The following DEFA5 variants were observed in gnomAD, a reference collection of about 807,000 sequenced individuals.
DEFA5 encodes HD5(20-94).
Under a neutral mutation model 8.7 loss-of-function variants are expected in DEFA5, and 11 were observed. The ratio of observed to expected loss-of-function variants is 1.26; its 90% CI spans 0.80 to 2.09. The LOEUF (loss-of-function observed/expected upper bound fraction) is 2.09. DEFA5 is among the 30% of genes most tolerant of loss of function. The pLI, the probability that DEFA5 is intolerant of heterozygous loss-of-function variation, is 0.00. For missense variants in DEFA5, 181 were observed against 117.2 expected (o/e 1.54, Z -2.52); for synonymous variants, 52 against 43.9 (o/e 1.18, Z -0.73).
At chr8:7,055,602 G>T in intron 1 of DEFA5, 59 bp from the exon 2 acceptor site, 1 of 1,137,050 alleles carries the variant, frequency 8.8e-7, no homozygotes, top group Non-Finnish European at 1.3e-6. Flanking sequence ...GACAAGCACA[G>T]CCAGACTAAC....
chr8:7,056,014 CTTTTTTTTTTTT>C (rs56220551), intron 1 of DEFA5, among the ~76,000 whole-genome samples: 2 of 112,946 alleles, frequency 1.8e-5, no homozygotes, highest in African/African-American at 7.0e-5. Context: ...TCTGTCTCTC[CTTTTTTTTTTTT>C]TTTTTTTTTT....
At chr8:7,055,567 G>A (rs781676476) in intron 1 of DEFA5, 24 bp from the exon 2 acceptor site, 3 of 1,535,000 alleles carry the variant, frequency 2.0e-6, no homozygotes, top group Middle Eastern at 1.7e-4. Context: ...AGAGGGTCAG[G>A]CACAGCGAGG....
In DEFA5 at chr8:7,055,368, T is replaced by TGTTTTTC. The variant is rs1812377434; in HGVS notation, c.*56_*62dup. On this transcript the variant is annotated 3_prime_UTR_variant, in exon 2 of 2. Transcript: ENST00000330590. ...AAGACACAAGGTACACAGAGTAAAATGTTTTTCTTTTTTCAGGACCTTGAA... is the reference window on the plus strand; with the variant it reads ...AAGACACAAGGTACACAGAGTAAAATGTTTTTCGTTTTTCTTTTTTCAGGACCTTGAA... 4.0e-6 allele frequency: 5 copies of TGTTTTTC among 1,235,812 alleles called. No homozygotes were observed. The South Asian group carries it at 6.3e-5, about 16-fold the overall frequency. 76.6% of individuals were successfully genotyped at this position (1,235,812 alleles called of 1,614,324 possible).
intron 1 of DEFA5, among the ~76,000 whole-genome samples, chr8:7,056,273 G>A (rs1159940327): frequency 6.6e-6 from 1 of 152,122 alleles, no homozygotes; most frequent in Admixed American, 6.5e-5. Flanking sequence ...CAAAGAACTA[G>A]TCAGTGTAGC....
chr8:7,055,643 A>G, intron 1 of DEFA5, 100 bp from the exon 2 acceptor site: 1 of 767,444 alleles, frequency 1.3e-6, no homozygotes, highest in East Asian at 2.7e-5. Context: ...ACACTGTATC[A>G]GTCATGTTAG....
At chr8:7,056,147 A>G (rs1257369156) in intron 1 of DEFA5, among the ~76,000 whole-genome samples, 1 of 151,832 alleles carries the variant, frequency 6.6e-6, no homozygotes, top group Admixed American at 6.6e-5. Context: ...AGATTTAATC[A>G]AGCCTATTAG....
rs558717333 is a variant in DEFA5 at position 7,055,717 on chromosome 8, T to G, written c.173-174A>C. 3.0e-4 allele frequency among the ~76,000 whole-genome samples: 45 copies of G among 152,368 alleles called. No individual in the cohort carries two copies. The South Asian group carries it at 7.0e-3, about 24-fold the overall frequency. On this transcript the variant is annotated intron_variant, in intron 1 of 1. Transcript: ENST00000330590. The stretch of plus-strand genomic sequence containing the variant: ...AATCTTACTAGCTATGTGTTAGTCA[T>G]GCAAGATCATAGTTTTTTTCCCCAT...
In DEFA5 at chr8:7,055,333, G is replaced by T. The variant is rs115418153; in HGVS notation, c.*98C>A. On this transcript the variant is annotated 3_prime_UTR_variant, in exon 2 of 2. Coordinates refer to ENST00000330590, the MANE Select transcript of DEFA5 (RefSeq NM_021010.3). ...ATGCTTGAACTTTATTTTGGAGAGA[G>T]AAATTTAGAAAGACACAAGGTACAC... 2 of 873,410 alleles carry T rather than the reference G, an allele frequency of 2.3e-6. No homozygotes were observed. The highest frequency in any genetic ancestry group is 3.6e-6 in the Non-Finnish European group (2 of 553,992). 54.1% of individuals were successfully genotyped at this position (873,410 alleles called of 1,614,324 possible).
chr8:7,055,469 C>G lies in DEFA5; in HGVS notation c.247G>C (p.Glu83Gln). ...AGTCTGTAGAGGCGGCCACTGATTT[C>G]ACACACCCCGGAGAGGGACTCACGG... ...ATRESLSGVC[E>Q]ISGRLYRLCC... is the part of the protein sequence containing the mutation. Residue 83 changes from glutamate (E) to glutamine (Q), a missense_variant, in exon 2 of 2, where the codon GAA (glutamate) becomes CAA (glutamine). Transcript: ENST00000330590. 1 of 1,613,844 alleles carries G rather than the reference C, an allele frequency of 6.2e-7. No individual in the cohort carries two copies. The highest frequency in any genetic ancestry group is 8.5e-7 in the Non-Finnish European group (1 of 1,179,930).
rs1563110813 is a variant in DEFA5, at chr8:7,055,375, CT to C, written c.*55del. The C allele has an allele frequency of 1.5e-6, 2 of 1,378,738 alleles. No homozygotes were observed. The highest frequency in any genetic ancestry group is 2.0e-6 in the Non-Finnish European group (2 of 982,092). 85.4% of individuals were successfully genotyped at this position (1,378,738 alleles called of 1,614,324 possible). On this transcript the variant is annotated 3_prime_UTR_variant, in exon 2 of 2. Coordinates refer to ENST00000330590, the MANE Select transcript of DEFA5 (RefSeq NM_021010.3). ...AAGGTACACAGAGTAAAATGTTTTT[CT>C]TTTTTCAGGACCTTGAACTGAATCT...
Position 7,056,733 on chromosome 8 carries a change from G to A in DEFA5, c.-36C>T, listed in dbSNP as rs55818222. 2.5e-6 allele frequency: 4 copies of A among 1,578,762 alleles called. No homozygotes were observed. The South Asian group carries it at 4.6e-5, about 18-fold the overall frequency. On this transcript the variant is annotated 5_prime_UTR_variant, in exon 1 of 2. Coordinates refer to ENST00000330590, the MANE Select transcript of DEFA5 (RefSeq NM_021010.3). ...ACCTGCAGGAGGGAGAGCAGGAGTG[G>A]ATATGTGGGGAGTGAGGAGTCAGCC... is the stretch of plus-strand genomic sequence containing the variant.
chr8:7,056,347 A>G (rs539210101), intron 1 of DEFA5, among the ~76,000 whole-genome samples, 179 bp downstream of exon 1: 3 of 152,358 alleles, frequency 2.0e-5, no homozygotes, highest in Admixed American at 6.5e-5. Flanking sequence ...CTTAGAAAAA[A>G]GAAAATCTTT....
intron 1 of DEFA5, 100 bp from the exon 2 acceptor site, chr8:7,055,643 A>C (rs1812395999): frequency 7.8e-6 from 6 of 767,444 alleles, no homozygotes. Flanking sequence ...ACACTGTATC[A>C]GTCATGTTAG....
rs765338626 is a variant in DEFA5 at position 7,056,630 on chromosome 8, T to C, written c.68A>G (p.Gln23Arg). Reference protein sequence around the residue: ...VALQAQAESLQERADEATTQK... With the variant: ...VALQAQAESLRERADEATTQK... Reference sequence around the variant, plus strand: ...GGTTGTAGCCTCATCAGCTCTTTCCTGGAGTGACTCAGCCTGGGCCTGCAG... The same window carrying C: ...GGTTGTAGCCTCATCAGCTCTTTCCCGGAGTGACTCAGCCTGGGCCTGCAG... Residue 23 changes from glutamine to arginine, a missense_variant, in exon 1 of 2, where the codon CAG becomes CGG. Physicochemically the swap from Gln to Arg is conservative, Grantham distance 43. Coordinates refer to ENST00000330590, the MANE Select transcript of DEFA5 (RefSeq NM_021010.3). The C allele has an allele frequency of 1.9e-6, 3 of 1,614,136 alleles. No homozygotes were observed. Among genetic ancestry groups the C allele is most frequent in the South Asian group, 2.2e-5 (2 of 91,054 alleles).
At chr8:7,056,498 G>T (rs755905333) in intron 1 of DEFA5, 28 bp downstream of exon 1, 9 of 1,572,282 alleles carry the variant, frequency 5.7e-6, no homozygotes, top group Admixed American at 5.3e-5. Flanking sequence ...TCTAGATTTT[G>T]CAGATGTGCA....
intron 1 of DEFA5, 46 bp downstream of exon 1, chr8:7,056,480 C>A (rs761647937): frequency 6.4e-7 from 1 of 1,553,630 alleles, no homozygotes; most frequent in African/African-American, 1.4e-5. Flanking sequence ...TTTCTCCAAT[C>A]CTTTTTTTCT....
intron 1 of DEFA5, among the ~76,000 whole-genome samples, chr8:7,056,014 C>CTTTTTT (rs56220551): frequency 1.4e-4 from 16 of 112,950 alleles, no homozygotes; most frequent in African/African-American, 4.9e-4. Context: ...TCTGTCTCTC[C>CTTTTTT]TTTTTTTTTT....
At chr8:7,056,175 C>T (rs377322381) in intron 1 of DEFA5, among the ~76,000 whole-genome samples, 2 of 151,980 alleles carry the variant, frequency 1.3e-5, no homozygotes, top group East Asian at 3.9e-4. Context: ...CAAAACACAC[C>T]TATAGGTTCC....
rs1369907044 is a variant in DEFA5, at chr8:7,055,529, C to G, written c.187G>C (p.Ala63Pro). ...CGGCCGGTTCGGCAATAGCAGGTGG[C>G]TCTTGCCTGAGAACCTGTGGAAAGA... ...ALRTSGSQAR[A>P]TCYCRTGRCA... The change falls in exon 2 of 2, where the codon GCC becomes CCC. Residue 63 changes from alanine to proline, a missense_variant. Ala to Pro is a conservative substitution (Grantham distance 27). Transcript: ENST00000330590. 1 of 1,612,050 alleles carries G rather than the reference C, an allele frequency of 6.2e-7. No homozygotes were observed. The highest frequency in any genetic ancestry group is 1.7e-5 in the Admixed American group (1 of 59,844).
Sources: allele counts gnomAD v4.1 joint callset (sites outside exome capture counted in the v4.1 genomes callset), GRCh38; gene constraint gnomAD v4.1.1; transcripts MANE v1.5; gene names NCBI Gene and HGNC (gene_info 2026-07-23, HGNC 2026-07-21).